Variants in MINPP1 observed in about 807,000 individuals in gnomAD.
MINPP1 encodes multiple inositol-polyphosphate phosphatase 1, also known as multiple inositol polyphosphate phosphatase 1.
In MINPP1, 28 loss-of-function variants were observed where a neutral mutation model predicts 46.1. The ratio of observed to expected loss-of-function variants is 0.61; its 90% CI spans 0.45 to 0.83. MINPP1 has a LOEUF of 0.83. Among genes scored for constraint, MINPP1 ranks in the 40% least tolerant of loss-of-function variants. MINPP1 has a pLI of 0.00. For missense variants in MINPP1, 603 were observed against 610.0 expected (o/e 0.99, Z 0.12); for synonymous variants, 268 against 249.1 (o/e 1.08, Z -0.72).
At chr10:87,529,080 C>G (rs1409380685) in intron 4 of MINPP1, among the ~76,000 whole-genome samples, 1 of 152,088 alleles carries the variant, frequency 6.6e-6, no homozygotes, top group African/African-American at 2.4e-5. Flanking sequence ...TCCACCATCC[C>G]TTTATTTTGA....
rs890684405 is a variant in MINPP1, at chr10:87,552,260, A to G, written c.1246A>G (p.Ile416Val). 1.9e-6 allele frequency: 3 copies of G among 1,613,862 alleles called. No individual in the cohort carries two copies. Among genetic ancestry groups the G allele is most frequent in the African/African-American group, 1.3e-5 (1 of 75,014 alleles). The change falls in exon 5 of 5, where the codon ATA (isoleucine) becomes GTA (valine). Residue 416 changes from isoleucine to valine, a missense_variant. By Grantham distance (29) the Ile-to-Val change is conservative (BLOSUM62 3). Coordinates refer to ENST00000371996, the MANE Select transcript of MINPP1 (RefSeq NM_004897.5). ...GLIVPYASNL[I>V]FVLYHCENAK... ...CATTGTACCTTATGCCTCGAACCTGATATTTGTGCTTTACCACTGTGAAAA... is the reference window on the plus strand; with the variant it reads ...CATTGTACCTTATGCCTCGAACCTGGTATTTGTGCTTTACCACTGTGAAAA...
chr10:87,505,520 A>C lies in MINPP1; in HGVS notation c.605A>C (p.Tyr202Ser). 1 of 1,610,938 alleles carries C rather than the reference A, an allele frequency of 6.2e-7. No individual in the cohort carries two copies. Among genetic ancestry groups the C allele is most frequent in the Non-Finnish European group, 8.5e-7 (1 of 1,179,548 alleles). ...TTCCTGCAGGGGCTGTGGCAGCACT[A>C]CCACCCTGGCTTGCCGCCGCCGGAC... ...AAFLQGLWQH[Y>S]HPGLPPPDVA... Residue 202 changes from tyrosine to serine, a missense_variant, in exon 1 of 5, where the codon TAC becomes TCC. Transcript: ENST00000371996. This position sits in a 1 kb window ranked among gnomAD's most constrained non-coding sequence, Gnocchi z 4.4.
At chr10:87,547,359 C>T (rs1348540983) in intron 4 of MINPP1, among the ~76,000 whole-genome samples, 9 of 152,142 alleles carry the variant, frequency 5.9e-5, no homozygotes, top group Non-Finnish European at 2.9e-5. Context: ...GAGATCTGCC[C>T]ATGGCCTCCC....
intron 2 of MINPP1, among the ~76,000 whole-genome samples, chr10:87,510,035 A>C (rs139863794): frequency 4.7e-4 from 71 of 152,312 alleles, no homozygotes; most frequent in African/African-American, 1.7e-3. Flanking sequence ...GAATTGGACT[A>C]TTTGCATTTG....
At chr10:87,523,571 G>T (rs950040843) in intron 4 of MINPP1, among the ~76,000 whole-genome samples, 1 of 151,244 alleles carries the variant, frequency 6.6e-6, no homozygotes, top group Non-Finnish European at 1.5e-5. Context: ...TTGTTAGCCA[G>T]GATGGTCTCG....
At chr10:87,523,340 G>A (rs1446305449) in intron 4 of MINPP1, among the ~76,000 whole-genome samples, 1 of 148,332 alleles carries the variant, frequency 6.7e-6, no homozygotes, top group Non-Finnish European at 1.5e-5. Context: ...ATATTTCTCT[G>A]TCATATGAAA....
chr10:87,552,702 A>C lies in MINPP1; in HGVS notation c.*224A>C. The C allele has an allele frequency of 3.8e-6, 2 of 523,140 alleles. No homozygotes were observed. Among genetic ancestry groups the C allele is most frequent in the East Asian group, 3.2e-5 (1 of 31,290 alleles). The allele number at this position is 523,140 out of a possible 1,614,324, so 32.4% of individuals were successfully genotyped here. A position where few individuals can be genotyped will look rare whatever the true frequency, so the allele number is the denominator to read the frequency against. On this transcript the variant is annotated 3_prime_UTR_variant, in exon 5 of 5. Coordinates refer to ENST00000371996, the MANE Select transcript of MINPP1 (RefSeq NM_004897.5). ...AGGAGAAACAAATCTATTTAGAGAA[A>C]CAGCTGGCCCTGCAAATGTTTACAG...
At chr10:87,541,589 A>T (rs989320436) in intron 4 of MINPP1, among the ~76,000 whole-genome samples, 1 of 152,176 alleles carries the variant, frequency 6.6e-6, no homozygotes, top group Non-Finnish European at 1.5e-5. Flanking sequence ...TTGCATTGCT[A>T]TAAAGAAATA....
chr10:87,547,276 A>T (rs1287818494), intron 4 of MINPP1, among the ~76,000 whole-genome samples: 3 of 152,046 alleles, frequency 2.0e-5, no homozygotes, highest in African/African-American at 4.8e-5. Flanking sequence ...ACACCCAGCT[A>T]GTTTTTTTGT....
intron 4 of MINPP1, among the ~76,000 whole-genome samples, chr10:87,530,728 G>A (rs966267290): frequency 2.0e-5 from 3 of 152,212 alleles, no homozygotes; most frequent in African/African-American, 7.2e-5. Flanking sequence ...TCTCTTCAAA[G>A]CTGTCAGACA....
chr10:87,541,384 A>G (rs1851813616), intron 4 of MINPP1, among the ~76,000 whole-genome samples: 1 of 152,226 alleles, frequency 6.6e-6, no homozygotes, highest in Non-Finnish European at 1.5e-5. Context: ...TGGGACCTTG[A>G]TTTGAACCAT....
At chr10:87,551,229 T>C (rs1285119101) in intron 4 of MINPP1, among the ~76,000 whole-genome samples, 4 of 152,076 alleles carry the variant, frequency 2.6e-5, no homozygotes, top group Non-Finnish European at 5.9e-5. Context: ...CTAGAACTGC[T>C]GCTTCTATCC....
intron 4 of MINPP1, among the ~76,000 whole-genome samples, chr10:87,533,015 T>C (rs918377240): frequency 6.6e-6 from 1 of 152,174 alleles, no homozygotes; most frequent in Admixed American, 6.5e-5. Context: ...TAAAATCCTT[T>C]TTTTAAATTT....
chr10:87,551,825 A>G (rs1274945090), intron 4 of MINPP1, among the ~76,000 whole-genome samples: 2 of 152,158 alleles, frequency 1.3e-5, no homozygotes. Context: ...AACTTAAAGG[A>G]AAATATGTAT....
Position 87,521,751 on chromosome 10 carries a change from T to C in MINPP1, c.1067+582T>C, listed in dbSNP as rs988407392. On this transcript the variant is annotated intron_variant, in intron 4 of 4. Transcript: ENST00000371996. The stretch of plus-strand genomic sequence containing the variant: ...TCCTATCTTTTGCTGTTATAATTAG[T>C]GTAATTATGAACTCTATGTGGCTCC... 2.6e-5 allele frequency among the ~76,000 whole-genome samples: 4 copies of C among 152,374 alleles called. No homozygotes were observed. The East Asian group carries it at 7.7e-4, about 29-fold the overall frequency.
chr10:87,538,341 C>G (rs1397897901), intron 4 of MINPP1, among the ~76,000 whole-genome samples: 1 of 152,154 alleles, frequency 6.6e-6, no homozygotes, highest in African/African-American at 2.4e-5. Context: ...TGGGCATCCC[C>G]TCCCTGTGCC....
intron 4 of MINPP1, chr10:87,546,477 T>A (rs1851888385): frequency 6.6e-6 from 1 of 152,266 alleles, no homozygotes; most frequent in African/African-American, 2.4e-5. Context: ...GTGACCTGTG[T>A]CTTGAGAAAC....
At chr10:87,538,213 A>T (rs1851766064) in intron 4 of MINPP1, among the ~76,000 whole-genome samples, 1 of 150,794 alleles carries the variant, frequency 6.6e-6, no homozygotes, top group Admixed American at 6.7e-5. Flanking sequence ...AATTTGAGGG[A>T]GCCCCTGCTG....
At chr10:87,529,132 C>T (rs1372403885) in intron 4 of MINPP1, among the ~76,000 whole-genome samples, 3 of 152,182 alleles carry the variant, frequency 2.0e-5, no homozygotes, top group Admixed American at 1.3e-4. Flanking sequence ...CTCCTGAATA[C>T]AGCACACTGA....
Sources: gnomAD v4.1 joint callset for allele counts (sites outside exome capture counted in the v4.1 genomes callset) on GRCh38, gnomAD v4.1.1 for gene constraint, Gnocchi (gnomAD v3.1) non-coding constraint, MANE v1.5 for transcripts, NCBI Gene and HGNC (gene_info 2026-07-23, HGNC 2026-07-21) for gene names.